The following HMGB1 variants were observed in gnomAD, a reference collection of about 807,000 sequenced individuals.
HMGB1 encodes the protein high mobility group box 1, also known as high mobility group protein B1.
For synonymous variants in HMGB1, 81 were observed against 84.0 expected, an observed-to-expected ratio of 0.96 and a Z score of 0.19; for missense variants, 79 against 253.5, an observed-to-expected ratio of 0.31 and a Z score of 4.67.
intron 1 of HMGB1, among the ~76,000 whole-genome samples, chr13:30,535,706 A>G (rs976440090): frequency 6.6e-6 from 1 of 152,230 alleles, no homozygotes; most frequent in African/African-American, 2.4e-5. Flanking sequence ...CCTGGCCAAC[A>G]TGGCGAAACC....
intron 1 of HMGB1, among the ~76,000 whole-genome samples, chr13:30,471,896 A>C (rs1466712121): frequency 1.3e-5 from 2 of 150,294 alleles, no homozygotes; most frequent in Non-Finnish European, 3.0e-5. Flanking sequence ...TGAACTCCTG[A>C]CCTCAGGTGA....
chr13:30,464,595 C>T, intron 1 of HMGB1: 1 of 982,652 alleles, frequency 1.0e-6, no homozygotes, highest in South Asian at 4.7e-5. Context: ...CGCCGCCGCC[C>T]CCATTTTGTC....
rs1259366925 is a variant in HMGB1 at position 30,460,819 on chromosome 13, T to G, written c.*538A>C. ...TAAACACTGTAATAATTCATGTGAT[T>G]CAAAATGGGCAAAAGCAAAAGACTA... is the stretch of plus-strand genomic sequence containing the variant. On this transcript the variant is annotated 3_prime_UTR_variant, in exon 5 of 5. Coordinates refer to ENST00000341423, the MANE Select transcript of HMGB1 (RefSeq NM_002128.7). 1 of 153,048 alleles carries G rather than the reference T, an allele frequency of 6.5e-6. No individual in the cohort carries two copies. The highest frequency in any genetic ancestry group is 1.9e-4 in the East Asian group (1 of 5,208). 9.5% of individuals were successfully genotyped at this position (153,048 alleles called of 1,614,324 possible). A position where few individuals can be genotyped will look rare whatever the true frequency, so the allele number is the denominator to read the frequency against.
At chr13:30,531,367 G>A (rs2137486298) in intron 1 of HMGB1, among the ~76,000 whole-genome samples, 1 of 152,148 alleles carries the variant, frequency 6.6e-6, no homozygotes, top group South Asian at 2.1e-4. Flanking sequence ...AAAAAAAGAG[G>A]GTATGTATTC....
intron 1 of HMGB1, among the ~76,000 whole-genome samples, chr13:30,480,136 T>C (rs1887193123): frequency 1.3e-5 from 2 of 152,244 alleles, no homozygotes; most frequent in Admixed American, 6.5e-5. Context: ...ATAAAGATGC[T>C]TTCGGAAGTT....
chr13:30,568,902 C>T (rs1450743629), intron 1 of HMGB1, among the ~76,000 whole-genome samples: 2 of 152,100 alleles, frequency 1.3e-5, no homozygotes, highest in East Asian at 1.9e-4. Flanking sequence ...TAGGGCCAGG[C>T]GTGGTGGCTC....
chr13:30,560,364 G>A (rs915014324), intron 1 of HMGB1, among the ~76,000 whole-genome samples: 6 of 152,186 alleles, frequency 3.9e-5, no homozygotes, highest in African/African-American at 1.2e-4. Context: ...GAAGCTTATC[G>A]GTAGCCTTAG....
chr13:30,466,352 A>C (rs1886786042), upstream of HMGB1, among the ~76,000 whole-genome samples: 2 of 138,958 alleles, frequency 1.4e-5, no homozygotes, highest in African/African-American at 5.4e-5. Context: ...AAGAGGCCCC[A>C]GGCTTTTAAT....
intron 1 of HMGB1, among the ~76,000 whole-genome samples, chr13:30,533,260 C>A (rs1029671748): frequency 6.6e-6 from 1 of 152,230 alleles, no homozygotes; most frequent in Non-Finnish European, 1.5e-5. Context: ...AGCCCAGAGA[C>A]TTCACAGTCT....
chr13:30,559,512 G>A lies in HMGB1; in HGVS notation c.-15+57159C>T, dbSNP rs1869854760. On this transcript the variant is annotated intron_variant, in intron 1 of 4. Transcript: ENST00000405805. The surrounding 1 kb of genome is among the most constrained non-coding windows in gnomAD (Gnocchi z 6.6). ...TCTGTCCACACCTCTTCAGCAATAT[G>A]GCATATTGCAAAGTAGTGTTCAGAG... 6.6e-6 allele frequency among the ~76,000 whole-genome samples: 1 copy of A among 152,182 alleles called. No homozygotes were observed. The highest frequency in any genetic ancestry group is 1.5e-5 in the Non-Finnish European group (1 of 68,028).
At chr13:30,600,305 A>G (rs1950386570) in intron 1 of HMGB1, among the ~76,000 whole-genome samples, 1 of 152,234 alleles carries the variant, frequency 6.6e-6, no homozygotes, top group Admixed American at 6.5e-5. Flanking sequence ...TTCCATCAGT[A>G]TGAAATTTTC....
chr13:30,498,956 GTT>G (rs56376029), intron 1 of HMGB1, among the ~76,000 whole-genome samples: 65,758 of 140,668 alleles, frequency 0.47, 16,500 homozygotes, highest in East Asian at 0.57. Context: ...CCTCTTTTTT[GTT>G]TTTTTTTTTT....
chr13:30,604,935 G>C (rs1164643876), intron 1 of HMGB1, among the ~76,000 whole-genome samples: 1 of 152,218 alleles, frequency 6.6e-6, no homozygotes, highest in Non-Finnish European at 1.5e-5. Flanking sequence ...TGGGATTGCA[G>C]GCGTGAGCCA....
intron 1 of HMGB1, among the ~76,000 whole-genome samples, chr13:30,577,247 G>A (rs1870695805): frequency 6.6e-6 from 1 of 151,714 alleles, no homozygotes; most frequent in Admixed American, 6.6e-5. Context: ...GGCTGAGGCA[G>A]GAGGATGGCT....
At chr13:30,543,380 G>C (rs1303885048) in intron 1 of HMGB1, 1 of 152,796 alleles carries the variant, frequency 6.5e-6, no homozygotes, top group Non-Finnish European at 1.5e-5. Flanking sequence ...GCCCATCTCA[G>C]CCTCCCAAAG....
At chr13:30,589,082 C>T (rs1242326955) in intron 1 of HMGB1, among the ~76,000 whole-genome samples, 1 of 150,918 alleles carries the variant, frequency 6.6e-6, no homozygotes, top group African/African-American at 2.4e-5. Flanking sequence ...CTTGGCTCAC[C>T]ACAACCTCTG....
chr13:30,572,475 T>G, intron 1 of HMGB1, among the ~76,000 whole-genome samples: 1 of 152,338 alleles, frequency 6.6e-6, no homozygotes, highest in East Asian at 1.9e-4. Flanking sequence ...AAATTTAGAA[T>G]TCAAGACTTC....
chr13:30,569,541 G>T (rs1229712050), intron 1 of HMGB1, among the ~76,000 whole-genome samples: 1 of 152,086 alleles, frequency 6.6e-6, no homozygotes, highest in Non-Finnish European at 1.5e-5. Flanking sequence ...AGGATTCTGG[G>T]AGGTAGGCAT....
chr13:30,556,518 C>T (rs988178300), intron 1 of HMGB1, among the ~76,000 whole-genome samples: 1 of 152,046 alleles, frequency 6.6e-6, no homozygotes, highest in Non-Finnish European at 1.5e-5. Context: ...AGGTGTCCAA[C>T]AACAGATGAA....
Sources: gnomAD v4.1 joint callset for allele counts (sites outside exome capture counted in the v4.1 genomes callset) on GRCh38, gnomAD v4.1.1 for gene constraint, Gnocchi (gnomAD v3.1) non-coding constraint, MANE v1.5 for transcripts, NCBI Gene and HGNC (gene_info 2026-07-23, HGNC 2026-07-21) for gene names.